Variants in DMAP1 observed in about 807,000 individuals in gnomAD.
DMAP1 encodes the protein DNA methyltransferase 1-associated protein 1.
In DMAP1, 26 loss-of-function variants were observed where a neutral mutation model predicts 52.7. The observed-to-expected ratio is 0.49, with a 90% CI of 0.36 to 0.68. The LOEUF is 0.68. Ranked by LOEUF, DMAP1 falls within the 30% of genes least tolerant of loss-of-function variation. The pLI, the probability that DMAP1 is intolerant of heterozygous loss-of-function variation, is 0.00. For synonymous variants in DMAP1, 231 were observed against 246.0 expected, an observed-to-expected ratio of 0.94 and a Z score of 0.57; for missense variants, 439 against 625.2, an observed-to-expected ratio of 0.70 and a Z score of 3.18.
Position 44,218,395 on chromosome 1 carries a change from C to T in DMAP1, c.478C>T (p.Leu160Phe), listed in dbSNP as rs1557755749. 9.3e-6 allele frequency: 15 copies of T among 1,614,248 alleles called. No individual in the cohort carries two copies. The highest frequency in any genetic ancestry group is 1.3e-5 in the Non-Finnish European group (15 of 1,180,042). The change falls in exon 4 of 10, where the codon CTC becomes TTC. Residue 160 changes from leucine to phenylalanine, a missense_variant. Physicochemically the swap from Leu to Phe is conservative, Grantham distance 22. Around this residue, in one of 3 missense-constraint regions of DMAP1, gnomAD observed 142 missense variants for 149.5 expected, o/e 0.95. Coordinates refer to ENST00000372289, the MANE Select transcript of DMAP1 (RefSeq NM_019100.5). This position sits in a 1 kb window ranked among gnomAD's most constrained non-coding sequence, Gnocchi z 5.6. ...TTGGACTAAGGCAGAAACTGACCAC[C>T]TCTTTGACCTCAGCCGCCGCTTTGA... ...DAWTKAETDHLFDLSRRFDLR... is the reference protein window; with the variant it reads ...DAWTKAETDHFFDLSRRFDLR...
At position 44,214,696 on chromosome 1, in the gene DMAP1, CTG is replaced by C. The variant is rs750514677; in HGVS notation, c.198-6_198-5del. Reference sequence around the variant, plus strand: ...TAACCTCGCATCTCCCTAAACCTCCCTGCCAGGGATGCACCCCCACTGCTACC... The same window carrying C: ...TAACCTCGCATCTCCCTAAACCTCCCCCAGGGATGCACCCCCACTGCTACC... On this transcript the variant is annotated splice_polypyrimidine_tract_variant and splice_region_variant and intron_variant, in intron 2 of 9. Transcript: ENST00000372289. 14 of 1,610,902 alleles carry C rather than the reference CTG, an allele frequency of 8.7e-6. No individual in the cohort carries two copies. The highest frequency in any genetic ancestry group is 1.2e-5 in the Non-Finnish European group (14 of 1,177,390).
chr1:44,213,901 G>C lies in DMAP1; in HGVS notation c.105+43G>C. ...AAGCGTTGACTAGGGGAGGGTAGGG[G>C]AGTGAAGATGGGGAGGAGTGACAAC... On this transcript the variant is annotated intron_variant, in intron 1 of 9. Coordinates refer to ENST00000372289, the MANE Select transcript of DMAP1 (RefSeq NM_019100.5). This position sits in a 1 kb window ranked among gnomAD's most constrained non-coding sequence, Gnocchi z 4.5. 2.0e-6 allele frequency: 3 copies of C among 1,537,358 alleles called. No homozygotes were observed. The highest frequency in any genetic ancestry group is 2.6e-6 in the Non-Finnish European group (3 of 1,133,438).
chr1:44,219,590 A>C, intron 7 of DMAP1, 113 bp downstream of exon 7: 1 of 1,238,510 alleles, frequency 8.1e-7, no homozygotes, highest in Admixed American at 2.5e-5. Flanking sequence ...ATTGCTGCAG[A>C]CAGAGGTGGC....
rs1350514047 is a variant in DMAP1, at chr1:44,213,982, AACAGG to A, written c.105+130_105+134del. ...AGTTGGGCGATAAAAGGGGTGACAT[AACAGG>A]ACAGGGAATATGTGTCATCCTTGAT... is the stretch of plus-strand genomic sequence containing the variant. On this transcript the variant is annotated intron_variant, in intron 1 of 9. Coordinates refer to ENST00000372289, the MANE Select transcript of DMAP1 (RefSeq NM_019100.5). The surrounding 1 kb of genome is among the most constrained non-coding windows in gnomAD (Gnocchi z 4.5). 2.3e-6 allele frequency: 2 copies of A among 873,990 alleles called. No individual in the cohort carries two copies. The highest frequency in any genetic ancestry group is 3.6e-6 in the Non-Finnish European group (2 of 551,336). 54.1% of individuals were successfully genotyped at this position (873,990 alleles called of 1,614,324 possible).
At chr1:44,217,196 C>T (rs914819043) in intron 3 of DMAP1, 8 of 152,226 alleles carry the variant, frequency 5.3e-5, no homozygotes, top group African/African-American at 1.9e-4. Context: ...TCAGTGTGTA[C>T]TCTCAGTTTC....
At position 44,218,122 on chromosome 1, in the gene DMAP1, G is replaced by T; in HGVS notation, c.394-189G>T. The T allele has an allele frequency of 1.4e-6, 1 of 717,234 alleles. No individual in the cohort carries two copies. 44.4% of individuals were successfully genotyped at this position (717,234 alleles called of 1,614,324 possible). A position where few individuals can be genotyped will look rare whatever the true frequency, so the allele number is the denominator to read the frequency against. ...AAGTTGATCCTGGAATAAATCAGAG[G>T]CAGGCTACAGTCCCAAACCCTGCTA... On this transcript the variant is annotated intron_variant, in intron 3 of 9. Coordinates refer to ENST00000372289, the MANE Select transcript of DMAP1 (RefSeq NM_019100.5). This position sits in a 1 kb window ranked among gnomAD's most constrained non-coding sequence, Gnocchi z 5.6.
Position 44,220,651 on chromosome 1 carries a change from G to A in DMAP1, c.*33G>A, listed in dbSNP as rs755879098. 1.2e-6 allele frequency: 2 copies of A among 1,613,546 alleles called. No homozygotes were observed. The highest frequency in any genetic ancestry group is 8.5e-7 in the Non-Finnish European group (1 of 1,179,648). On this transcript the variant is annotated 3_prime_UTR_variant, in exon 10 of 10. Coordinates refer to ENST00000372289, the MANE Select transcript of DMAP1 (RefSeq NM_019100.5). ...CACGGGGTGTGGGCGACGCTGTTAT[G>A]TAAATAGAGCTGCTGAGTTGGACCA...
intron 1 of DMAP1, 44 bp from the exon 2 acceptor site, chr1:44,214,306 A>G (rs769100147): frequency 1.3e-6 from 2 of 1,582,170 alleles, no homozygotes; most frequent in Non-Finnish European, 1.7e-6. Context: ...AATTTTCAGG[A>G]AAGGGTCTAG....
chr1:44,215,968 TCTC>T (rs1180899115), intron 3 of DMAP1: 3 of 152,566 alleles, frequency 2.0e-5, no homozygotes, highest in Non-Finnish European at 4.4e-5. Context: ...ATTTACCTCT[TCTC>T]TAACCAATCT....
Position 44,220,156 on chromosome 1 carries a change from AC to A in DMAP1, c.1192del (p.Leu398TrpfsTer7), listed in dbSNP as rs751745689. ...LQMLRHRHEA[L>X]ARAGVLGGPA... Reference sequence around the variant, plus strand: ...AGATGCTGCGGCACCGTCATGAGGCACTGGCCCGGGCTGGTGTGCTAGGGGG... The same window carrying A: ...AGATGCTGCGGCACCGTCATGAGGCATGGCCCGGGCTGGTGTGCTAGGGGG... On this transcript the variant is annotated frameshift_variant, in exon 9 of 10. Transcript: ENST00000372289. LOFTEE classifies it high-confidence loss of function. The A allele has an allele frequency of 6.2e-7, 1 of 1,612,138 alleles. No homozygotes were observed. The highest frequency in any genetic ancestry group is 1.3e-5 in the African/African-American group (1 of 74,912).
Position 44,218,426 on chromosome 1 carries a change from G to C in DMAP1, c.509G>C (p.Arg170Pro). Residue 170 changes from arginine to proline, a missense_variant, in exon 4 of 10, where the codon CGT (arginine) becomes CCT (proline). Transcript: ENST00000372289. The surrounding 1 kb of genome is among the most constrained non-coding windows in gnomAD (Gnocchi z 5.6). Reference protein sequence around the residue: ...LFDLSRRFDLRFVVIHDRYDH... With the variant: ...LFDLSRRFDLPFVVIHDRYDH... ...GACCTCAGCCGCCGCTTTGACCTGCGTTTTGTTGTTATCCATGACCGGTAT... is the reference window on the plus strand; with the variant it reads ...GACCTCAGCCGCCGCTTTGACCTGCCTTTTGTTGTTATCCATGACCGGTAT... 1 of 1,614,214 alleles carries C rather than the reference G, an allele frequency of 6.2e-7. No homozygotes were observed. Among genetic ancestry groups the C allele is most frequent in the African/African-American group, 1.3e-5 (1 of 75,054 alleles).
rs1182325111 is a variant in DMAP1, at chr1:44,213,494, G to A, written c.-260G>A. ...CTGCCGCGGCTTTGCGGGGACGGGG[G>A]AGTGGTAGTGGGGGCTGCAGCTGCC... On this transcript the variant is annotated 5_prime_UTR_variant, in exon 1 of 10. Coordinates refer to ENST00000372289, the MANE Select transcript of DMAP1 (RefSeq NM_019100.5). This position sits in a 1 kb window ranked among gnomAD's most constrained non-coding sequence, Gnocchi z 4.5. The A allele has an allele frequency of 1.9e-5, 8 of 430,944 alleles. No individual in the cohort carries two copies. Among genetic ancestry groups the A allele is most frequent in the Admixed American group, 4.0e-5 (1 of 25,230 alleles). The allele number at this position is 430,944 out of a possible 1,614,324, so 26.7% of individuals were successfully genotyped here.
intron 3 of DMAP1, 173 bp downstream of exon 3, chr1:44,215,071 T>A: frequency 1.3e-6 from 1 of 764,796 alleles, no homozygotes; most frequent in East Asian, 2.7e-5. Flanking sequence ...GGGTCTTTTC[T>A]GCCCAAGGGA....
chr1:44,213,629 TCTTG>T lies in DMAP1; in HGVS notation c.-124_-121del, dbSNP rs1312580806. ...GACCTGACCTGGACCACCCTTCTCCTCTTGGCCCGCCCCTTCAACTCGCCTCCGC... is the reference window on the plus strand; with the variant it reads ...GACCTGACCTGGACCACCCTTCTCCTGCCCGCCCCTTCAACTCGCCTCCGC... On this transcript the variant is annotated 5_prime_UTR_variant, in exon 1 of 10. Transcript: ENST00000372289. This position sits in a 1 kb window ranked among gnomAD's most constrained non-coding sequence, Gnocchi z 4.5. 3.7e-6 allele frequency: 3 copies of T among 819,256 alleles called. No individual in the cohort carries two copies. In the East Asian group the frequency reaches 8.1e-5, roughly 22 times the overall value. The allele number at this position is 819,256 out of a possible 1,614,324, so 50.7% of individuals were successfully genotyped here. A position where few individuals can be genotyped will look rare whatever the true frequency, so the allele number is the denominator to read the frequency against.
In DMAP1 at chr1:44,218,490, A is replaced by G. The variant is rs760424165; in HGVS notation, c.552+21A>G. On this transcript the variant is annotated intron_variant, in intron 4 of 9. Coordinates refer to ENST00000372289, the MANE Select transcript of DMAP1 (RefSeq NM_019100.5). This position sits in a 1 kb window ranked among gnomAD's most constrained non-coding sequence, Gnocchi z 5.6. ...TCAAGGTGAGCCATTGTGTATTTGCATGGGTGCCCAGCTTCTGGGTCTAGC... is the reference window on the plus strand; with the variant it reads ...TCAAGGTGAGCCATTGTGTATTTGCGTGGGTGCCCAGCTTCTGGGTCTAGC... 4 of 1,612,476 alleles carry G rather than the reference A, an allele frequency of 2.5e-6. No individual in the cohort carries two copies. Among genetic ancestry groups the G allele is most frequent in the Non-Finnish European group, 3.4e-6 (4 of 1,178,602 alleles).
intron 3 of DMAP1, chr1:44,217,420 A>G (rs1415833408): frequency 1.3e-5 from 2 of 152,294 alleles, no homozygotes; most frequent in African/African-American, 4.8e-5. Flanking sequence ...GGAGACAGAA[A>G]TTTTGGAGGT....
At chr1:44,216,617 C>A (rs1363291699) in intron 3 of DMAP1, 3 of 152,298 alleles carry the variant, frequency 2.0e-5, no homozygotes, top group Admixed American at 2.0e-4. Context: ...ACCAGAGAGA[C>A]TTCCCAGAGG....
chr1:44,214,463 C>G lies in DMAP1; in HGVS notation c.197+22C>G, dbSNP rs781656484. On this transcript the variant is annotated intron_variant, in intron 2 of 9. Transcript: ENST00000372289. ...AGAAGCAAGTATTGGAGTCCCAAGT[C>G]CCCCAGGTTTTGGCCCCTGATTCAC... The G allele has an allele frequency of 3.1e-6, 5 of 1,613,534 alleles. No individual in the cohort carries two copies. The African/African-American group carries it at 4.0e-5, about 13-fold the overall frequency.
chr1:44,216,380 C>T (rs954328458), intron 3 of DMAP1: 1 of 152,112 alleles, frequency 6.6e-6, no homozygotes, highest in Non-Finnish European at 1.5e-5. Context: ...CCGGCATGCA[C>T]CAACATGCCT....
Sources: allele counts gnomAD v4.1 joint callset, GRCh38; gene constraint gnomAD v4.1.1; regional missense constraint gnomAD v4.1.1; non-coding constraint Gnocchi (gnomAD v3.1); transcripts MANE v1.5; gene names NCBI Gene and HGNC (gene_info 2026-07-23, HGNC 2026-07-21).